The following TUB variants were observed in gnomAD, a reference collection of about 807,000 sequenced individuals.
TUB encodes TUB bipartite transcription factor, also known as tubby protein homolog.
Under a neutral mutation model 59.7 loss-of-function variants are expected in TUB, and 33 were observed. That is an observed-to-expected ratio of 0.55 (90% CI 0.42 to 0.74). The LOEUF (loss-of-function observed/expected upper bound fraction) is 0.74, where lower values mean the gene tolerates loss of function less well. TUB is among the 30% of genes least tolerant of loss of function. The pLI, the probability that TUB is intolerant of heterozygous loss-of-function variation, is 0.00. For missense variants in TUB, 659 were observed against 672.0 expected (o/e 0.98, Z 0.21); for synonymous variants, 293 against 256.4 (o/e 1.14, Z -1.36).
At chr11:8,038,577 C>T (rs6578920), upstream of TUB, 74,945 of 1,117,192 alleles carry the variant, frequency 0.067, 3,830 homozygotes, top group African/African-American at 0.25. Context: ...ACTTGGCCTC[C>T]GTGTTGCCAT....
At chr11:8,068,335 A>G (rs1375026987) in intron 2 of TUB, 1 of 152,296 alleles carries the variant, frequency 6.6e-6, no homozygotes, top group African/African-American at 2.4e-5. Flanking sequence ...GCTCACTGGT[A>G]TCTCTAATTC....
At chr11:8,085,730 C>T (rs774042367) in intron 1 of TUB, among the ~76,000 whole-genome samples, 1 of 152,178 alleles carries the variant, frequency 6.6e-6, no homozygotes, top group Non-Finnish European at 1.5e-5. Context: ...GATTCCCTGA[C>T]CCCTGGGCCT....
rs1325096205 is a variant in TUB, at chr11:8,102,890, A to G, written c.*1271A>G. The G allele has an allele frequency of 7.5e-6, 1 of 133,946 alleles. No homozygotes were observed. Among genetic ancestry groups the G allele is most frequent in the Non-Finnish European group, 1.6e-5 (1 of 63,410 alleles). 8.3% of individuals were successfully genotyped at this position (133,946 alleles called of 1,614,324 possible). On this transcript the variant is annotated 3_prime_UTR_variant, in exon 12 of 12. Transcript: ENST00000299506. ...ATTTCTTTGTTCCCACTGTCCCCCAAGAAACTAGTATCTCTGGCCTCCTGG... is the reference window on the plus strand; with the variant it reads ...ATTTCTTTGTTCCCACTGTCCCCCAGGAAACTAGTATCTCTGGCCTCCTGG...
intron 2 of TUB, chr11:8,039,755 G>GGGA: frequency 7.2e-7 from 1 of 1,390,012 alleles, no homozygotes; most frequent in Non-Finnish European, 9.5e-7. Context: ...GAGACTGTGA[G>GGGA]GGAGGTGGGC....
chr11:8,066,598 C>T (rs559048788), intron 2 of TUB, among the ~76,000 whole-genome samples: 12 of 152,300 alleles, frequency 7.9e-5, no homozygotes, highest in African/African-American at 2.9e-4. Flanking sequence ...AGCCACCCTG[C>T]TTGGGGCAAC....
chr11:8,049,584 TAGATAGATAGATAG>T (rs1942898909), intron 2 of TUB, among the ~76,000 whole-genome samples: 1 of 138,692 alleles, frequency 7.2e-6, no homozygotes, highest in African/African-American at 3.0e-5. Context: ...TATATATAGA[TAGATAGATAGATAG>T]ATAGATACAC....
chr11:8,038,678 A>G (rs1232047701), exon 1 of TUB: 5 of 1,399,926 alleles, frequency 3.6e-6, no homozygotes, highest in African/African-American at 2.9e-5. Context: ...GGAGACTGCG[A>G]CCAGAAGATG....
rs1187004153 is a variant in TUB at position 8,081,348 on chromosome 11, A to G, written c.-163A>G. On this transcript the variant is annotated 5_prime_UTR_variant, in exon 1 of 12. Transcript: ENST00000299506. Reference sequence around the variant, plus strand: ...CGCGCAGGCAGCCGCTCGCAGAGCCAGCAGCCGGGGCCCTGGCGTGCAGCG... The same window carrying G: ...CGCGCAGGCAGCCGCTCGCAGAGCCGGCAGCCGGGGCCCTGGCGTGCAGCG... 3 of 986,206 alleles carry G rather than the reference A, an allele frequency of 3.0e-6. No homozygotes were observed. Among genetic ancestry groups the G allele is most frequent in the Non-Finnish European group, 3.6e-6 (3 of 831,082 alleles). 61.1% of individuals were successfully genotyped at this position (986,206 alleles called of 1,614,324 possible). A position where few individuals can be genotyped will look rare whatever the true frequency, so the allele number is the denominator to read the frequency against.
chr11:8,081,729 C>T (rs757966658), intron 1 of TUB, among the ~76,000 whole-genome samples, 181 bp downstream of exon 1: 1 of 152,204 alleles, frequency 6.6e-6, no homozygotes, highest in African/African-American at 2.4e-5. Flanking sequence ...CTGCTCCCGC[C>T]TGCCCCGCTC....
At chr11:8,031,328 C>T (rs1431319890) in intron 1 of TUB, among the ~76,000 whole-genome samples, 1 of 152,202 alleles carries the variant, frequency 6.6e-6, no homozygotes, top group East Asian at 1.9e-4. Flanking sequence ...CAAGATTACA[C>T]TTAATGGGGG....
At chr11:8,051,314 C>T (rs1942932024) in intron 2 of TUB, among the ~76,000 whole-genome samples, 1 of 152,086 alleles carries the variant, frequency 6.6e-6, no homozygotes, top group South Asian at 2.1e-4. Flanking sequence ...CATACTTTCC[C>T]ATATTGTTAA....
intron 4 of TUB, among the ~76,000 whole-genome samples, chr11:8,094,505 G>T (rs997923047): frequency 6.6e-5 from 10 of 152,196 alleles, no homozygotes; most frequent in Admixed American, 6.5e-4. Flanking sequence ...CCTCAAGGAG[G>T]ATCTCACCCA....
intron 2 of TUB, among the ~76,000 whole-genome samples, chr11:8,044,319 T>C (rs564803921): frequency 6.6e-6 from 1 of 152,370 alleles, no homozygotes; most frequent in East Asian, 1.9e-4. Context: ...TGCTTTGCAG[T>C]GTCTAATTCC....
intron 2 of TUB, among the ~76,000 whole-genome samples, chr11:8,064,525 A>G (rs900048479): frequency 6.6e-6 from 1 of 152,070 alleles, no homozygotes; most frequent in South Asian, 2.1e-4. Flanking sequence ...GATCAGTAAC[A>G]TTTGCTGGGG....
chr11:8,093,608 GC>G (rs1564919387), intron 3 of TUB, among the ~76,000 whole-genome samples: 2 of 152,136 alleles, frequency 1.3e-5, no homozygotes, highest in South Asian at 4.1e-4. Context: ...TCCCCGCAGA[GC>G]CCCCTCGTAG....
intron 2 of TUB, among the ~76,000 whole-genome samples, chr11:8,057,624 CCCT>C (rs59174224): frequency 0.59 from 89,972 of 151,596 alleles, 28,183 homozygotes; most frequent in Middle Eastern, 0.73. Context: ...GGGGTAATTA[CCCT>C]CCTTATCTTG....
At chr11:8,032,038 A>G (rs1942579989) in intron 1 of TUB, among the ~76,000 whole-genome samples, 1 of 151,752 alleles carries the variant, frequency 6.6e-6, no homozygotes, top group African/African-American at 2.4e-5. Context: ...ACAGAGAGAG[A>G]CCCCCTGGGG....
intron 2 of TUB, among the ~76,000 whole-genome samples, chr11:8,063,573 A>C (rs1258610220): frequency 1.3e-5 from 2 of 152,218 alleles, no homozygotes; most frequent in Non-Finnish European, 2.9e-5. Context: ...GGGAGTGTTC[A>C]CTCGACCCAG....
intron 3 of TUB, 25 bp from the exon 4 acceptor site, chr11:8,094,021 C>G: frequency 1.2e-6 from 2 of 1,614,066 alleles, no homozygotes; most frequent in Non-Finnish European, 8.5e-7. Context: ...TTCTCTCTCT[C>G]CATCTGGGGA....
Sources: allele counts gnomAD v4.1 joint callset (sites outside exome capture counted in the v4.1 genomes callset), GRCh38; gene constraint gnomAD v4.1.1; transcripts MANE v1.5; gene names NCBI Gene and HGNC (gene_info 2026-07-23, HGNC 2026-07-21).